The following TSHZ2 variants were observed in gnomAD, a reference collection of about 807,000 sequenced individuals.
TSHZ2 encodes the protein teashirt zinc finger homeobox 2, also known as teashirt homolog 2.
Under a neutral mutation model 74.4 loss-of-function variants are expected in TSHZ2, and 21 were observed. The observed-to-expected ratio is 0.28, with a 90% confidence interval of 0.20 to 0.41. The LOEUF (loss-of-function observed/expected upper bound fraction) is 0.41, where lower values mean the gene tolerates loss of function less well. TSHZ2 is among the 10% of genes least tolerant of loss of function. The probability of loss-of-function intolerance (pLI) is 1.00; values close to 1 mark genes in which losing one functional copy is unlikely to be tolerated. For synonymous variants in TSHZ2, 540 were observed against 515.3 expected (o/e 1.05, Z -0.65); for missense variants, 1,244 against 1,293.5 (o/e 0.96, Z 0.59).
intron 2 of TSHZ2, among the ~76,000 whole-genome samples, chr20:53,380,013 C>T (rs901440060): frequency 6.6e-6 from 1 of 152,084 alleles, no homozygotes; most frequent in South Asian, 2.1e-4. Context: ...TTTGTGAAAC[C>T]GGTTCTCAAA....
intron 1 of TSHZ2, among the ~76,000 whole-genome samples, chr20:53,084,206 A>G (rs1397896252): frequency 6.6e-6 from 1 of 152,240 alleles, no homozygotes; most frequent in Non-Finnish European, 1.5e-5. Flanking sequence ...GGTTAATTTC[A>G]GGTCCTGGAA....
At chr20:53,449,693 C>T (rs184578275) in intron 2 of TSHZ2, among the ~76,000 whole-genome samples, 78 of 151,764 alleles carry the variant, frequency 5.1e-4, no homozygotes, top group Non-Finnish European at 8.4e-4. Flanking sequence ...AATCCTACCC[C>T]CTTCTTCAAG....
chr20:53,242,972 T>C (rs1220556206), intron 1 of TSHZ2, among the ~76,000 whole-genome samples: 1 of 152,088 alleles, frequency 6.6e-6, no homozygotes, highest in Admixed American at 6.6e-5. Flanking sequence ...ATCAAGTACA[T>C]AGTAAGTACA....
chr20:53,226,276 C>T (rs1989685700), intron 1 of TSHZ2, among the ~76,000 whole-genome samples: 1 of 152,098 alleles, frequency 6.6e-6, no homozygotes, highest in African/African-American at 2.4e-5. Flanking sequence ...TAACCTTGGG[C>T]AGTGTCCCTT....
intron 2 of TSHZ2, among the ~76,000 whole-genome samples, chr20:53,308,024 G>A (rs1039092323): frequency 5.3e-5 from 8 of 152,274 alleles, no homozygotes; most frequent in South Asian, 4.1e-4. Context: ...AGTGCATCCC[G>A]CTGTGTTTAT....
chr20:53,387,166 C>T (rs933173577), intron 2 of TSHZ2, among the ~76,000 whole-genome samples: 4 of 152,142 alleles, frequency 2.6e-5, no homozygotes, highest in African/African-American at 9.7e-5. Flanking sequence ...GATCCCAAAG[C>T]CAATTCCCGG....
At chr20:53,212,232 A>C (rs1392831273) in intron 1 of TSHZ2, among the ~76,000 whole-genome samples, 1 of 152,178 alleles carries the variant, frequency 6.6e-6, no homozygotes, top group Non-Finnish European at 1.5e-5. Flanking sequence ...CTTTGCAATA[A>C]TTTAAAGTGT....
chr20:53,397,578 A>G (rs1346263391), intron 2 of TSHZ2: 2 of 152,198 alleles, frequency 1.3e-5, no homozygotes, highest in African/African-American at 2.4e-5. Context: ...CAATTCCTCA[A>G]GGATCTAGAA....
chr20:53,478,885 C>A (rs1189398610), intron 2 of TSHZ2, among the ~76,000 whole-genome samples: 4 of 151,880 alleles, frequency 2.6e-5, no homozygotes, highest in African/African-American at 9.7e-5. Flanking sequence ...AAGAAAGGGG[C>A]CTGGCACAGT....
intron 1 of TSHZ2, among the ~76,000 whole-genome samples, chr20:53,095,013 A>G (rs1171320416): frequency 6.6e-6 from 1 of 152,232 alleles, no homozygotes; most frequent in Non-Finnish European, 1.5e-5. Flanking sequence ...TGAAAGGTGT[A>G]TAAGGTAAGC....
At chr20:53,346,302 G>T (rs534091819) in intron 2 of TSHZ2, among the ~76,000 whole-genome samples, 1 of 152,282 alleles carries the variant, frequency 6.6e-6, no homozygotes, top group Admixed American at 6.5e-5. Context: ...TTTCACTGAG[G>T]AAATTTTTTG....
chr20:53,041,026 T>A (rs1035127408), intron 1 of TSHZ2, among the ~76,000 whole-genome samples: 1 of 152,168 alleles, frequency 6.6e-6, no homozygotes, highest in Non-Finnish European at 1.5e-5. Context: ...AACTGGTTAG[T>A]CTCTGCAGGA....
intron 2 of TSHZ2, among the ~76,000 whole-genome samples, chr20:53,277,933 T>C (rs569998019): frequency 6.6e-6 from 1 of 152,284 alleles, no homozygotes; most frequent in African/African-American, 2.4e-5. Flanking sequence ...ACTAACACGC[T>C]CCTCCTGCCA....
chr20:53,158,384 C>G (rs1987847015), intron 1 of TSHZ2, among the ~76,000 whole-genome samples: 1 of 152,002 alleles, frequency 6.6e-6, no homozygotes, highest in Admixed American at 6.6e-5. Context: ...GGTGGATGGA[C>G]CGTGGTGGGG....
In TSHZ2 at chr20:53,031,902, GAAGGA is replaced by G. The variant is rs377323734; in HGVS notation, c.40+58573_40+58577del. ...TCCATGTGCAGCATGATTAGGGAAG[GAAGGA>G]AAGAAGGAAGGGAGGGAGGGAGGAG... On this transcript the variant is annotated intron_variant, in intron 1 of 2. Coordinates refer to ENST00000371497, the MANE Select transcript of TSHZ2 (RefSeq NM_173485.6). Among the ~76,000 whole-genome samples, 17 of 152,146 alleles carry G rather than the reference GAAGGA, an allele frequency of 1.1e-4. No homozygotes were observed. In the East Asian group the frequency reaches 2.9e-3, roughly 26 times the overall value.
At chr20:53,244,219 A>G (rs1990145980) in intron 1 of TSHZ2, among the ~76,000 whole-genome samples, 1 of 152,216 alleles carries the variant, frequency 6.6e-6, no homozygotes, top group African/African-American at 2.4e-5. Flanking sequence ...GGGAAAAAAA[A>G]AACCTCTCCA....
chr20:53,462,077 CA>C (rs1212222175), intron 2 of TSHZ2, among the ~76,000 whole-genome samples: 17 of 141,442 alleles, frequency 1.2e-4, no homozygotes, highest in Admixed American at 1.4e-4. Context: ...ACTAAAAATA[CA>C]AAAAAAAAAG....
chr20:53,037,350 A>C (rs1983860236), intron 1 of TSHZ2, among the ~76,000 whole-genome samples: 1 of 152,212 alleles, frequency 6.6e-6, no homozygotes, highest in African/African-American at 2.4e-5. Flanking sequence ...TATAAGCAGA[A>C]ATCCTGGTTA....
At chr20:53,220,238 T>C (rs541943632) in intron 1 of TSHZ2, among the ~76,000 whole-genome samples, 1 of 152,192 alleles carries the variant, frequency 6.6e-6, no homozygotes. Flanking sequence ...TTGGGGTAAT[T>C]GGAGCAAAAA....
Sources: gnomAD v4.1 joint callset for allele counts (sites outside exome capture counted in the v4.1 genomes callset) on GRCh38, gnomAD v4.1.1 for gene constraint, MANE v1.5 for transcripts, NCBI Gene and HGNC (gene_info 2026-07-23, HGNC 2026-07-21) for gene names.